The following NKIRAS1 variants were observed in gnomAD, a reference collection of about 807,000 sequenced individuals.
The protein encoded by NKIRAS1 is NFKB inhibitor interacting Ras like 1, also known as NF-kappa-B inhibitor-interacting Ras-like protein 1.
A neutral mutation model predicts 19.8 loss-of-function variants in NKIRAS1; 16 were observed. The observed-to-expected ratio is 0.81, with a 90% CI of 0.55 to 1.23. The LOEUF is 1.23. NKIRAS1 is among the 50% of genes most tolerant of loss of function. The pLI is 0.00. For synonymous variants in NKIRAS1, 88 were observed against 79.0 expected, an observed-to-expected ratio of 1.11 and a Z score of -0.61; for missense variants, 184 against 220.0, an observed-to-expected ratio of 0.84 and a Z score of 1.04.
intron 3 of NKIRAS1, among the ~76,000 whole-genome samples, chr3:23,906,804 A>G (rs1490294537): frequency 6.6e-6 from 1 of 152,102 alleles, no homozygotes. Flanking sequence ...TGCAGTGGCT[A>G]TTTTTCACTT....
chr3:23,919,640 A>G (rs548411638), upstream of NKIRAS1: 37 of 1,421,604 alleles, frequency 2.6e-5, no homozygotes, highest in African/African-American at 2.2e-4. Flanking sequence ...TTAAAGTGCA[A>G]TAATGTTTGA....
Position 23,922,088 on chromosome 3 carries a change from G to T in NKIRAS1, c.-139-10638C>A. ...CCCAACACTTTCGGTAACCAAGGTG[G>T]GCTTGAGCTCATGAGTTAGAGAGCA... On this transcript the variant is annotated intron_variant, in intron 1 of 4. Transcript: ENST00000421515. The surrounding 1 kb of genome is among the most constrained non-coding windows in gnomAD (Gnocchi z 4.2). 6.4e-6 allele frequency: 1 copy of T among 155,618 alleles called. No homozygotes were observed. Among genetic ancestry groups the T allele is most frequent in the Non-Finnish European group, 1.4e-5 (1 of 70,260 alleles). The allele number at this position is 155,618 out of a possible 1,614,324, so 9.6% of individuals were successfully genotyped here. A position where few individuals can be genotyped will look rare whatever the true frequency, so the allele number is the denominator to read the frequency against.
At chr3:23,920,529 A>G (rs979072972), upstream of NKIRAS1, 74 of 985,206 alleles carry the variant, frequency 7.5e-5, no homozygotes, top group Non-Finnish European at 8.9e-5. Flanking sequence ...TGTTTGCACC[A>G]TGTCTTCCAG....
upstream of NKIRAS1, chr3:23,917,118 C>T (rs1279753450): frequency 6.5e-6 from 1 of 152,738 alleles, no homozygotes; most frequent in South Asian, 2.1e-4. Flanking sequence ...GGGGAGGAGC[C>T]CAAAAGGCAT....
At chr3:23,893,668 G>A (rs34036067) in intron 4 of NKIRAS1, among the ~76,000 whole-genome samples, 19 of 151,816 alleles carry the variant, frequency 1.3e-4, no homozygotes, top group South Asian at 4.2e-4. Flanking sequence ...TTAGCCAGGC[G>A]TAGTGGTGTG....
rs1263370000 is a variant in NKIRAS1, at chr3:23,945,512, G to GGCC, written c.-140+810_-140+811insGGC. ...CCAGCCCGGGGCGGCGCGGCGCTGA[G>GGCC]GCGGCGGCGGCGGCGCTGCCCCCTC... On this transcript the variant is annotated intron_variant, in intron 1 of 4. Transcript: ENST00000421515. The GGCC allele has an allele frequency of 1.6e-5, 15 of 912,994 alleles. No homozygotes were observed. The Middle Eastern group carries it at 1.4e-3, about 84-fold the overall frequency. The allele number at this position is 912,994 out of a possible 1,614,324, so 56.6% of individuals were successfully genotyped here.
intron 1 of NKIRAS1, among the ~76,000 whole-genome samples, chr3:23,913,922 G>A (rs1374868409): frequency 6.6e-6 from 1 of 152,148 alleles, no homozygotes; most frequent in African/African-American, 2.4e-5. Context: ...TGCTTATCCA[G>A]AGAATACATC....
chr3:23,921,311 C>A (rs1485387577), upstream of NKIRAS1, among the ~76,000 whole-genome samples: 1 of 152,174 alleles, frequency 6.6e-6, no homozygotes, highest in Non-Finnish European at 1.5e-5. Context: ...GCAAAAAAAT[C>A]AAAAGTCCTC....
At chr3:23,910,122 G>A (rs943039408) in intron 3 of NKIRAS1, among the ~76,000 whole-genome samples, 4 of 140,956 alleles carry the variant, frequency 2.8e-5, no homozygotes, top group Middle Eastern at 9.5e-3. Flanking sequence ...CTCCCAAAGC[G>A]TTTGGATTAC....
chr3:23,918,169 A>G (rs1486750960), upstream of NKIRAS1: 1 of 1,125,476 alleles, frequency 8.9e-7, no homozygotes, highest in Non-Finnish European at 1.2e-6. Context: ...AACACTGGTC[A>G]GTTACTGTAT....
chr3:23,945,192 G>A (rs569009224), intron 1 of NKIRAS1: 10 of 32,790 alleles, frequency 3.0e-4, no homozygotes, highest in Non-Finnish European at 6.0e-4. Context: ...GGAGGGAGGG[G>A]AGCGGCGGGG....
intron 1 of NKIRAS1, among the ~76,000 whole-genome samples, chr3:23,913,981 C>T (rs1251399268): frequency 1.3e-5 from 2 of 152,186 alleles, no homozygotes; most frequent in Non-Finnish European, 2.9e-5. Context: ...CTTGTCACAT[C>T]CCTACCCTAA....
intron 3 of NKIRAS1, among the ~76,000 whole-genome samples, chr3:23,908,587 TATA>T (rs1319259723): frequency 6.6e-6 from 1 of 152,212 alleles, no homozygotes; most frequent in Non-Finnish European, 1.5e-5. Flanking sequence ...ATTTTGAAAA[TATA>T]ATTTTTTTCA....
chr3:23,895,369 C>A (rs1169125406), intron 4 of NKIRAS1, among the ~76,000 whole-genome samples: 2 of 152,160 alleles, frequency 1.3e-5, no homozygotes, highest in Admixed American at 1.3e-4. Flanking sequence ...CCCACTCTGA[C>A]TCCTGCCTTC....
intron 4 of NKIRAS1, among the ~76,000 whole-genome samples, chr3:23,896,881 G>A (rs1279736504): frequency 6.6e-6 from 1 of 151,842 alleles, no homozygotes; most frequent in Non-Finnish European, 1.5e-5. Context: ...AAAACAGAAG[G>A]TACAGGATAG....
intron 1 of NKIRAS1, 97 bp downstream of exon 1, chr3:23,916,687 C>T (rs1307105280): frequency 6.6e-6 from 1 of 152,642 alleles, no homozygotes; most frequent in African/African-American, 2.4e-5. Flanking sequence ...CAGATTTCTG[C>T]GCCCGTCGTG....
chr3:23,901,116 C>T lies in NKIRAS1; in HGVS notation c.95-67G>A, dbSNP rs147357470. 3.4e-4 allele frequency: 530 copies of T among 1,544,472 alleles called. 2 individuals are homozygous for T. The African/African-American group carries it at 5.8e-3, about 17-fold the overall frequency. ...TGTCAACTGCTCCGTATTTTCTTGT[C>T]CTTTAGAAATTGGCTTTCTAGGTTT... is the stretch of plus-strand genomic sequence containing the variant. On this transcript the variant is annotated intron_variant, in intron 3 of 4. Coordinates refer to ENST00000425478, the MANE Select transcript of NKIRAS1 (RefSeq NM_020345.4).
upstream of NKIRAS1, chr3:23,919,467 G>A: frequency 6.3e-7 from 1 of 1,599,290 alleles, no homozygotes; most frequent in East Asian, 2.2e-5. Context: ...GCTTGGAGAA[G>A]GCGCAATACT....
intron 1 of NKIRAS1, chr3:23,915,981 G>A (rs1256549990): frequency 6.6e-6 from 1 of 152,162 alleles, no homozygotes; most frequent in African/African-American, 2.4e-5. Flanking sequence ...TTTCCAAGAA[G>A]GCCAAAAATT....
Sources: gnomAD v4.1 joint callset for allele counts (sites outside exome capture counted in the v4.1 genomes callset) on GRCh38, gnomAD v4.1.1 for gene constraint, Gnocchi (gnomAD v3.1) non-coding constraint, MANE v1.5 for transcripts, NCBI Gene and HGNC (gene_info 2026-07-23, HGNC 2026-07-21) for gene names.